ZYG11A: variants seen among roughly 807,000 people sequenced by gnomAD.
ZYG11A encodes the protein protein zyg-11 homolog A.
In ZYG11A, 62 loss-of-function variants were observed where a neutral mutation model predicts 77.2. The ratio of observed to expected loss-of-function variants is 0.80; its 90% confidence interval spans 0.65 to 0.99. The LOEUF (loss-of-function observed/expected upper bound fraction) is 0.99. ZYG11A is among the 50% of genes least tolerant of loss of function. The probability of loss-of-function intolerance (pLI) is 0.00; values close to 1 mark genes in which losing one functional copy is unlikely to be tolerated. For synonymous variants in ZYG11A, 315 were observed against 324.6 expected (o/e 0.97, Z 0.32); for missense variants, 828 against 896.8 (o/e 0.92, Z 0.98).
In ZYG11A at chr1:52,854,605, A is replaced by G; in HGVS notation, c.231A>G (p.Arg77=). 3 of 1,543,804 alleles carry G rather than the reference A, an allele frequency of 1.9e-6. No individual in the cohort carries two copies. In the African/African-American group the frequency reaches 4.1e-5, roughly 21 times the overall value. The change falls in exon 2 of 14, where the codon CGA becomes CGG. Residue 77 remains arginine, a synonymous_variant. Coordinates refer to ENST00000371528, the MANE Select transcript of ZYG11A (RefSeq NM_001004339.3). Reference sequence around the variant, plus strand: ...GTTTCCCTCAGGAAGTAGCCGAGCGATTTCTCAGGGTGATGACTTGGCAAG... The same window carrying G: ...GTTTCCCTCAGGAAGTAGCCGAGCGGTTTCTCAGGGTGATGACTTGGCAAG... ...HWSFPQEVAE[R]FLRVMTWQGK... is the part of the protein sequence containing the mutation.
chr1:52,856,625 G>A (rs774092323), intron 2 of ZYG11A, among the ~76,000 whole-genome samples: 1 of 151,996 alleles, frequency 6.6e-6, no homozygotes, highest in Non-Finnish European at 1.5e-5. Flanking sequence ...TGTATATCCT[G>A]TACTTATCTA....
At chr1:52,888,322 T>C (rs1037787265) in intron 13 of ZYG11A, among the ~76,000 whole-genome samples, 2 of 152,204 alleles carry the variant, frequency 1.3e-5, no homozygotes, top group Admixed American at 6.5e-5. Flanking sequence ...CTAAAGTTTA[T>C]CTGACAGAAT....
At chr1:52,846,312 AT>A (rs1645578906) in intron 1 of ZYG11A, among the ~76,000 whole-genome samples, 3 of 2,166 alleles carry the variant, frequency 1.4e-3, no homozygotes, top group African/African-American at 1.5e-3. Flanking sequence ...TTAAATTTTT[AT>A]ATATATATAT....
Position 52,842,986 on chromosome 1 carries a change from G to C in ZYG11A, c.90+13G>C. On this transcript the variant is annotated intron_variant, in intron 1 of 13. Coordinates refer to ENST00000371528, the MANE Select transcript of ZYG11A (RefSeq NM_001004339.3). ...CTGCGTGGTACAGGTGAGCACCGGGGTGCGGGCGGCGACGCGGACCTCGGC... is the reference window on the plus strand; with the variant it reads ...CTGCGTGGTACAGGTGAGCACCGGGCTGCGGGCGGCGACGCGGACCTCGGC... 4.0e-6 allele frequency: 6 copies of C among 1,508,680 alleles called. No individual in the cohort carries two copies. The highest frequency in any genetic ancestry group is 5.3e-6 in the Non-Finnish European group (6 of 1,129,850). The allele number at this position is 1,508,680 out of a possible 1,614,324, so 93.5% of individuals were successfully genotyped here. A position where few individuals can be genotyped will look rare whatever the true frequency, so the allele number is the denominator to read the frequency against.
rs116209496 is a variant in ZYG11A, at chr1:52,866,743, T to C, written c.1391+176T>C. Among the ~76,000 whole-genome samples, 862 of 152,294 alleles carry C rather than the reference T, an allele frequency of 5.7e-3. 8 individuals carry two copies. The highest frequency in any genetic ancestry group is 0.02 in the African/African-American group (831 of 41,560). ...GTTGTCTCCTAAAGTGATTCTAGTATAGGATAGTGGGTAAGAACAGGCTCC... is the reference window on the plus strand; with the variant it reads ...GTTGTCTCCTAAAGTGATTCTAGTACAGGATAGTGGGTAAGAACAGGCTCC... On this transcript the variant is annotated intron_variant, in intron 6 of 13. Coordinates refer to ENST00000371528, the MANE Select transcript of ZYG11A (RefSeq NM_001004339.3).
intron 3 of ZYG11A, among the ~76,000 whole-genome samples, chr1:52,860,066 TGGTTATTCTA>T (rs1254826325): frequency 4.6e-5 from 7 of 152,230 alleles, no homozygotes; most frequent in Non-Finnish European, 1.0e-4. Context: ...ATAATTGTTT[TGGTTATTCTA>T]GGTTCTTTGT....
At position 52,866,577 on chromosome 1, in the gene ZYG11A, A is replaced by C; in HGVS notation, c.1391+10A>C. The C allele has an allele frequency of 2.0e-6, 3 of 1,521,888 alleles. No homozygotes were observed. The South Asian group carries it at 3.6e-5, about 18-fold the overall frequency. The allele number at this position is 1,521,888 out of a possible 1,614,324, so 94.3% of individuals were successfully genotyped here. ...ATGTTCCATTTGACAGGCAAGTATA[A>C]GACTTGGTCATTTGACTGGGGTGTT... On this transcript the variant is annotated intron_variant, in intron 6 of 13. Transcript: ENST00000371528.
chr1:52,869,398 G>A (rs984892327), intron 8 of ZYG11A, among the ~76,000 whole-genome samples: 6 of 151,426 alleles, frequency 4.0e-5, no homozygotes, highest in African/African-American at 9.7e-5. Context: ...GCGGCCTTCC[G>A]CAGTGTTTGT....
intron 8 of ZYG11A, among the ~76,000 whole-genome samples, chr1:52,874,137 A>T (rs1272297661): frequency 6.6e-6 from 1 of 151,764 alleles, no homozygotes; most frequent in Admixed American, 6.6e-5. Flanking sequence ...CACCATCTTG[A>T]TCAGTCGGCA....
intron 11 of ZYG11A, among the ~76,000 whole-genome samples, chr1:52,882,522 T>C (rs1030337445): frequency 4.6e-5 from 7 of 152,206 alleles, no homozygotes; most frequent in African/African-American, 1.7e-4. Flanking sequence ...CCCTGTATCT[T>C]GGTTTACTCC....
intron 1 of ZYG11A, among the ~76,000 whole-genome samples, chr1:52,852,519 C>A (rs1645733310): frequency 6.6e-6 from 1 of 151,430 alleles, no homozygotes; most frequent in Non-Finnish European, 1.5e-5. Flanking sequence ...TAGGCATGTG[C>A]CACCATGCCT....
chr1:52,870,233 C>A (rs867727940), intron 8 of ZYG11A, among the ~76,000 whole-genome samples: 1 of 138,542 alleles, frequency 7.2e-6, no homozygotes, highest in African/African-American at 2.5e-5. Context: ...GGATGGCGGC[C>A]GGGCAGAGAC....
At chr1:52,853,086 G>A (rs1312496240) in intron 1 of ZYG11A, among the ~76,000 whole-genome samples, 2 of 152,216 alleles carry the variant, frequency 1.3e-5, no homozygotes, top group Non-Finnish European at 2.9e-5. Flanking sequence ...ATTGACACTT[G>A]TTGATGGTTT....
chr1:52,857,656 GT>G lies in ZYG11A; in HGVS notation c.918del (p.Phe306LeufsTer30). On this transcript the variant is annotated frameshift_variant, in exon 3 of 14. Coordinates refer to ENST00000371528, the MANE Select transcript of ZYG11A (RefSeq NM_001004339.3). LOFTEE classifies it high-confidence loss of function. ...NCITDEAVEL[F>X]IRLRPAMQFV... Reference sequence around the variant, plus strand: ...GCATCACTGATGAAGCTGTAGAACTGTTTATACGACTGCGGCCTGCCATGCA... The same window carrying G: ...GCATCACTGATGAAGCTGTAGAACTGTTATACGACTGCGGCCTGCCATGCA... 1 of 1,552,202 alleles carries G rather than the reference GT, an allele frequency of 6.4e-7. No individual in the cohort carries two copies. Among genetic ancestry groups the G allele is most frequent in the Non-Finnish European group, 8.7e-7 (1 of 1,147,100 alleles).
chr1:52,890,354 C>G lies in ZYG11A; in HGVS notation c.2105-2428C>G, dbSNP rs993449814. On this transcript the variant is annotated intron_variant, in intron 13 of 13. Coordinates refer to ENST00000371528, the MANE Select transcript of ZYG11A (RefSeq NM_001004339.3). The stretch of plus-strand genomic sequence containing the variant: ...GGTTCAAGGGGTTCCCCTGCCTCAG[C>G]CTCCTGGGTAGCTGGGACTATAGGC... Among the ~76,000 whole-genome samples, 4 of 146,134 alleles carry G rather than the reference C, an allele frequency of 2.7e-5. No homozygotes were observed. The East Asian group carries it at 8.3e-4, about 30-fold the overall frequency.
chr1:52,852,878 A>C (rs1645740648), intron 1 of ZYG11A, among the ~76,000 whole-genome samples: 1 of 152,200 alleles, frequency 6.6e-6, no homozygotes, highest in Non-Finnish European at 1.5e-5. Flanking sequence ...ATTTCATTAT[A>C]GTGTTGAATA....
At chr1:52,868,417 A>G (rs1242322985) in intron 8 of ZYG11A, among the ~76,000 whole-genome samples, 2 of 152,174 alleles carry the variant, frequency 1.3e-5, no homozygotes, top group African/African-American at 4.8e-5. Flanking sequence ...CAACAAATTT[A>G]TATCATGATT....
intron 8 of ZYG11A, among the ~76,000 whole-genome samples, chr1:52,872,873 ACT>A (rs1646192410): frequency 7.9e-6 from 1 of 127,032 alleles, no homozygotes; most frequent in African/African-American, 3.1e-5. Flanking sequence ...ACAGAGTGAG[ACT>A]CTGTCTCAAA....
intron 5 of ZYG11A, among the ~76,000 whole-genome samples, chr1:52,866,098 C>T (rs578112773): frequency 6.6e-5 from 10 of 151,946 alleles, no homozygotes; most frequent in South Asian, 2.1e-4. Flanking sequence ...CCACCACGCC[C>T]GGCTAATTTT....
Sources: allele counts gnomAD v4.1 joint callset (sites outside exome capture counted in the v4.1 genomes callset), GRCh38; gene constraint gnomAD v4.1.1; transcripts MANE v1.5; gene names NCBI Gene and HGNC (gene_info 2026-07-23, HGNC 2026-07-21).